The following KIF18A variants were observed in gnomAD, a reference collection of about 807,000 sequenced individuals.
KIF18A encodes the protein kinesin-like protein KIF18A.
Under a neutral mutation model 103.3 loss-of-function variants are expected in KIF18A, and 67 were observed. The observed-to-expected ratio is 0.65, with a 90% CI of 0.53 to 0.79. KIF18A has a LOEUF of 0.79. KIF18A is among the 30% of genes least tolerant of loss of function. The pLI, the probability that KIF18A is intolerant of heterozygous loss-of-function variation, is 0.00. For synonymous variants in KIF18A, 367 were observed against 355.5 expected, an observed-to-expected ratio of 1.03 and a Z score of -0.36; for missense variants, 1,032 against 1,062.5, an observed-to-expected ratio of 0.97 and a Z score of 0.40.
rs1435648867 is a variant in KIF18A, at chr11:28,021,163, A to G, written c.*37T>C. The G allele has an allele frequency of 2.1e-6, 3 of 1,456,842 alleles. No homozygotes were observed. In the East Asian group the frequency reaches 8.1e-5, roughly 40 times the overall value. The allele number at this position is 1,456,842 out of a possible 1,614,324, so 90.2% of individuals were successfully genotyped here. A position where few individuals can be genotyped will look rare whatever the true frequency, so the allele number is the denominator to read the frequency against. On this transcript the variant is annotated 3_prime_UTR_variant, in exon 17 of 17. Coordinates refer to ENST00000263181, the MANE Select transcript of KIF18A (RefSeq NM_031217.4). ...GGTATTGATAAACTTTGAAAAGCAG[A>G]TTTGATCAACTTCATTTTGCTTGGT...
chr11:28,062,627 AATAAT>A (rs1850870306), intron 11 of KIF18A, 111 bp from the exon 12 acceptor site: 4 of 788,096 alleles, frequency 5.1e-6, no homozygotes, highest in South Asian at 8.6e-5. Context: ...TTAGATATTA[AATAAT>A]ATGTTTAGAA....
At chr11:28,096,668 C>T (rs936372571) in intron 2 of KIF18A, among the ~76,000 whole-genome samples, 14 of 152,262 alleles carry the variant, frequency 9.2e-5, no homozygotes, top group African/African-American at 3.4e-4. Context: ...AACCACACTC[C>T]ATCCTTACTT....
intron 13 of KIF18A, among the ~76,000 whole-genome samples, chr11:28,048,333 T>G (rs560339024): frequency 6.6e-6 from 1 of 152,202 alleles, no homozygotes; most frequent in East Asian, 1.9e-4. Context: ...TTTAATGGGG[T>G]GTCGCTTGTA....
chr11:28,072,757 A>G (rs1457712614), intron 10 of KIF18A, among the ~76,000 whole-genome samples: 2 of 151,072 alleles, frequency 1.3e-5, no homozygotes, highest in Admixed American at 6.6e-5. Context: ...AAAAATAAGG[A>G]TGAAAACAGA....
intron 13 of KIF18A, among the ~76,000 whole-genome samples, chr11:28,051,936 C>G (rs1360893132): frequency 6.6e-6 from 1 of 152,058 alleles, no homozygotes; most frequent in East Asian, 1.9e-4. Context: ...TATACCTGCT[C>G]CATCTGAAGT....
chr11:28,032,221 T>C (rs1395582028), intron 15 of KIF18A, among the ~76,000 whole-genome samples: 2 of 151,612 alleles, frequency 1.3e-5, no homozygotes, highest in Non-Finnish European at 3.0e-5. Context: ...GAAAAGCAGA[T>C]ACAAAAAAAT....
chr11:28,087,455 T>C (rs542426989), intron 6 of KIF18A, among the ~76,000 whole-genome samples: 1 of 152,344 alleles, frequency 6.6e-6, no homozygotes, highest in East Asian at 1.9e-4. Flanking sequence ...GCATGGTGTA[T>C]ATGTGCCACA....
chr11:28,045,860 A>C (rs1322529470), intron 13 of KIF18A, among the ~76,000 whole-genome samples: 4 of 152,066 alleles, frequency 2.6e-5, no homozygotes, highest in African/African-American at 9.7e-5. Context: ...AGAAAAAAAC[A>C]ACCCCATCAA....
chr11:28,076,745 C>G (rs1220426335), intron 10 of KIF18A: 1 of 182,900 alleles, frequency 5.5e-6, no homozygotes, highest in Non-Finnish European at 1.1e-5. Context: ...ACTAGCATGG[C>G]CAACATTGTG....
At position 28,058,933 on chromosome 11, in the gene KIF18A, A is replaced by T; in HGVS notation, c.1941T>A (p.Ile647=). Residue 647 remains isoleucine (I), a synonymous_variant, in exon 13 of 17, where the codon ATT becomes ATA. Coordinates refer to ENST00000263181, the MANE Select transcript of KIF18A (RefSeq NM_031217.4). ...TFPQLGPVQP[I]PCCSSSGGTN... ...AACGAAAGTTATACTTACAACAAGGAATAGGCTGAACTGGTCCAAGTTGTG... is the reference window on the plus strand; with the variant it reads ...AACGAAAGTTATACTTACAACAAGGTATAGGCTGAACTGGTCCAAGTTGTG... 6.2e-7 allele frequency: 1 copy of T among 1,612,950 alleles called. No homozygotes were observed. The highest frequency in any genetic ancestry group is 8.5e-7 in the Non-Finnish European group (1 of 1,179,132).
chr11:28,071,162 A>G (rs1365043053), intron 10 of KIF18A, among the ~76,000 whole-genome samples: 1 of 152,228 alleles, frequency 6.6e-6, no homozygotes, highest in Non-Finnish European at 1.5e-5. Flanking sequence ...GAGAGTTCAC[A>G]AGGTTAAAAC....
intron 5 of KIF18A, among the ~76,000 whole-genome samples, 153 bp from the exon 6 acceptor site, chr11:28,088,874 T>C (rs1165993921): frequency 1.3e-5 from 2 of 152,190 alleles, no homozygotes; most frequent in African/African-American, 2.4e-5. Context: ...AAGAGCACTA[T>C]AAGTAATCAC....
At position 28,062,394 on chromosome 11, in the gene KIF18A, C is replaced by T. The variant is rs1290489260; in HGVS notation, c.1712+1G>A. On this transcript the variant is annotated splice_donor_variant, in intron 12 of 16. Transcript: ENST00000263181. LOFTEE classifies it high-confidence loss of function. ...GAAAATAGGTAAATGTATGTACTCA[C>T]GCTTCAGTCTGCCTGTGTTGCTGTT... 1.1e-5 allele frequency: 18 copies of T among 1,604,624 alleles called. No homozygotes were observed. Among genetic ancestry groups the T allele is most frequent in the African/African-American group, 8.1e-5 (6 of 74,388 alleles).
chr11:28,041,335 T>C (rs948197777), intron 13 of KIF18A, among the ~76,000 whole-genome samples: 1 of 151,822 alleles, frequency 6.6e-6, no homozygotes, highest in African/African-American at 2.4e-5. Context: ...ATGGAATATG[T>C]GATCTGAGAC....
intron 11 of KIF18A, among the ~76,000 whole-genome samples, chr11:28,068,617 T>C (rs2133537616): frequency 6.6e-6 from 1 of 152,284 alleles, no homozygotes; most frequent in South Asian, 2.1e-4. Flanking sequence ...CCCTCCTCCT[T>C]TCTTTCCTCT....
intron 15 of KIF18A, among the ~76,000 whole-genome samples, chr11:28,031,991 C>T (rs1025706043): frequency 2.6e-5 from 4 of 151,588 alleles, no homozygotes; most frequent in African/African-American, 4.8e-5. Flanking sequence ...TTTGGAAAAA[C>T]GTAGAGTCCA....
At chr11:28,074,556 A>T (rs17244296) in intron 10 of KIF18A, among the ~76,000 whole-genome samples, 70,062 of 151,956 alleles carry the variant, frequency 0.46, 17,771 homozygotes, top group Admixed American at 0.56. Context: ...TTGATAATAT[A>T]GTTTAATAGC....
At chr11:28,095,699 CT>C (rs1231560602) in intron 2 of KIF18A, among the ~76,000 whole-genome samples, 1 of 152,078 alleles carries the variant, frequency 6.6e-6, no homozygotes, top group African/African-American at 2.4e-5. Flanking sequence ...ATGTGAATTT[CT>C]TCCAATGTAT....
chr11:28,083,903 T>C (rs1851196113), intron 7 of KIF18A, among the ~76,000 whole-genome samples: 1 of 152,030 alleles, frequency 6.6e-6, no homozygotes, highest in African/African-American at 2.4e-5. Flanking sequence ...GACAATAACA[T>C]GCTCATCTTC....
Sources: gnomAD v4.1 joint callset for allele counts (sites outside exome capture counted in the v4.1 genomes callset) on GRCh38, gnomAD v4.1.1 for gene constraint, MANE v1.5 for transcripts, NCBI Gene and HGNC (gene_info 2026-07-23, HGNC 2026-07-21) for gene names.